Variants in TRAF7 observed in about 807,000 individuals in gnomAD.
The protein encoded by TRAF7 is TNF receptor associated factor 7.
A neutral mutation model predicts 89.3 loss-of-function variants in TRAF7; 45 were observed. That is an observed-to-expected ratio of 0.50 (90% CI 0.40 to 0.65). The LOEUF (loss-of-function observed/expected upper bound fraction) is 0.65, where lower values mean the gene tolerates loss of function less well. Among genes scored for constraint, TRAF7 ranks in the 30% least tolerant of loss-of-function variants. The pLI is 0.00. For synonymous variants in TRAF7, 406 were observed against 369.2 expected (o/e 1.10, Z -1.14); for missense variants, 677 against 918.1 (o/e 0.74, Z 3.39).
In TRAF7 at chr16:2,161,776, T is replaced by A. The variant is rs1003799391; in HGVS notation, c.-38-2107T>A. Reference sequence around the variant, plus strand: ...TGGGACATCCTCACCCCAAGCACAATGGCAAAAGGCAAGCCCTGGCCAGCT... The same window carrying A: ...TGGGACATCCTCACCCCAAGCACAAAGGCAAAAGGCAAGCCCTGGCCAGCT... On this transcript the variant is annotated intron_variant, in intron 1 of 20. Coordinates refer to ENST00000326181, the MANE Select transcript of TRAF7 (RefSeq NM_032271.3). The surrounding 1 kb of genome is among the most constrained non-coding windows in gnomAD (Gnocchi z 5.2). Among the ~76,000 whole-genome samples, 1 of 152,090 alleles carries A rather than the reference T, an allele frequency of 6.6e-6. No homozygotes were observed. The highest frequency in any genetic ancestry group is 1.5e-5 in the Non-Finnish European group (1 of 67,988).
rs547151725 is a variant in TRAF7 at position 2,159,829 on chromosome 16, G to C, written c.-39+3971G>C. The stretch of plus-strand genomic sequence containing the variant: ...TTGCTGGAGGAGCTGCTTTAAGGCC[G>C]GGCCTGGCCCGAGCAGGGAGCTGCA... On this transcript the variant is annotated intron_variant, in intron 1 of 20. Transcript: ENST00000326181. The surrounding 1 kb of genome is among the most constrained non-coding windows in gnomAD (Gnocchi z 6.5). Among the ~76,000 whole-genome samples, 1 of 152,240 alleles carries C rather than the reference G, an allele frequency of 6.6e-6. No individual in the cohort carries two copies. The highest frequency in any genetic ancestry group is 2.1e-4 in the South Asian group (1 of 4,838).
chr16:2,175,318 C>G lies in TRAF7; in HGVS notation c.1404C>G (p.Asn468Lys). 2 of 1,613,484 alleles carry G rather than the reference C, an allele frequency of 1.2e-6. No individual in the cohort carries two copies. Among genetic ancestry groups the G allele is most frequent in the Non-Finnish European group, 1.7e-6 (2 of 1,179,986 alleles). ...DCTIIVWDIQNLQKVNTIRAH... is the reference protein window; with the variant it reads ...DCTIIVWDIQKLQKVNTIRAH... ...CCAATCAGGTGTGGGACATCCAGAA[C>G]CTGCAGAAGGTGAACACCATCCGGG... The change falls in exon 16 of 21, where the codon AAC becomes AAG. Residue 468 changes from asparagine (N) to lysine (K), a missense_variant. This residue lies in a region of TRAF7 where 160 missense variants were observed against 263.7 expected (regional missense o/e 0.61). Coordinates refer to ENST00000326181, the MANE Select transcript of TRAF7 (RefSeq NM_032271.3).
rs537875769 is a variant in TRAF7, at chr16:2,158,771, G to T, written c.-39+2913G>T. Among the ~76,000 whole-genome samples the T allele has an allele frequency of 5.8e-4, 86 of 147,084 alleles. 1 individual carries two copies. Among genetic ancestry groups the T allele is most frequent in the African/African-American group, 1.5e-3 (59 of 38,458 alleles). ...GGACTGGGAAGCGTGGGCTCGGCGGGGGGGGGGGGGACACTGCCACCCTTG... is the reference window on the plus strand; with the variant it reads ...GGACTGGGAAGCGTGGGCTCGGCGGTGGGGGGGGGGACACTGCCACCCTTG... On this transcript the variant is annotated intron_variant, in intron 1 of 20. Coordinates refer to ENST00000326181, the MANE Select transcript of TRAF7 (RefSeq NM_032271.3). The surrounding 1 kb of genome is among the most constrained non-coding windows in gnomAD (Gnocchi z 4.7).
chr16:2,172,928 C>T (rs2093119410), intron 9 of TRAF7, among the ~76,000 whole-genome samples: 1 of 152,100 alleles, frequency 6.6e-6, no homozygotes, highest in African/African-American at 2.4e-5. Flanking sequence ...GGGAGGCTGC[C>T]AAGCAGCGTG....
intron 12 of TRAF7, 23 bp downstream of exon 12, chr16:2,173,859 T>TGGGCCGCCCCCCCCCCC: frequency 8.0e-7 from 1 of 1,246,244 alleles, no homozygotes; most frequent in Non-Finnish European, 1.1e-6. Flanking sequence ...CCGCCGTGGC[T>TGGGCCGCCCCCCCCCCC]CCCGCCCACC....
In TRAF7 at chr16:2,166,296, G is replaced by A. The variant is rs139174776; in HGVS notation, c.139+360G>A. ...AGTCTCAGGCTCCTGGCCAGCCTCC[G>A]AAAGGTCCCGTGTGCCCGGAGGTCT... On this transcript the variant is annotated intron_variant, in intron 3 of 20. Transcript: ENST00000326181. Among the ~76,000 whole-genome samples the A allele has an allele frequency of 9.7e-4, 148 of 152,266 alleles. 1 individual carries two copies. The highest frequency in any genetic ancestry group is 7.9e-3 in the South Asian group (38 of 4,822).
chr16:2,173,863 G>GCCCCCCCCCCC, intron 12 of TRAF7, 27 bp downstream of exon 12: 3 of 894,606 alleles, frequency 3.4e-6, no homozygotes, highest in Non-Finnish European at 4.6e-6. Context: ...CGTGGCTCCC[G>GCCCCCCCCCCC]CCCACCCTCC....
chr16:2,160,553 G>T (rs1266969405), intron 1 of TRAF7, among the ~76,000 whole-genome samples: 21 of 131,406 alleles, frequency 1.6e-4, no homozygotes, highest in Non-Finnish European at 3.0e-4. Context: ...GTGTGGATGG[G>T]CGGGCGGTGT....
chr16:2,163,040 T>G lies in TRAF7; in HGVS notation c.-38-843T>G, dbSNP rs2093063990. On this transcript the variant is annotated intron_variant, in intron 1 of 20. Transcript: ENST00000326181. This position sits in a 1 kb window ranked among gnomAD's most constrained non-coding sequence, Gnocchi z 4.3. The stretch of plus-strand genomic sequence containing the variant: ...GGGCTCTGTCCTGGGTGTGACCTGT[T>G]GGCTGGGTCTCTTTTTCTCTCTAAT... Among the ~76,000 whole-genome samples the G allele has an allele frequency of 6.6e-6, 1 of 151,150 alleles. No individual in the cohort carries two copies. Among genetic ancestry groups the G allele is most frequent in the Non-Finnish European group, 1.5e-5 (1 of 67,796 alleles).
intron 9 of TRAF7, 115 bp downstream of exon 9, chr16:2,172,714 G>C: frequency 2.3e-6 from 3 of 1,289,364 alleles, no homozygotes; most frequent in Middle Eastern, 5.5e-4. Flanking sequence ...GGGCCACACC[G>C]GGGTCTGTAA....
chr16:2,164,152 G>GTT, intron 2 of TRAF7, 151 bp downstream of exon 2: 1 of 580,146 alleles, frequency 1.7e-6, no homozygotes, highest in Non-Finnish European at 3.0e-6. Context: ...GTGTGTGTGT[G>GTT]TGTGTGTGCG....
In TRAF7 at chr16:2,158,149, G is replaced by A. The variant is rs868758097; in HGVS notation, c.-39+2291G>A. On this transcript the variant is annotated intron_variant, in intron 1 of 20. Transcript: ENST00000326181. The surrounding 1 kb of genome is among the most constrained non-coding windows in gnomAD (Gnocchi z 4.7). ...CCCTGCGGGGTCAGGGAGGGCATGT[G>A]GGGAGGGCCGAGAGCTGTTGGCTGC... 2.1e-4 allele frequency among the ~76,000 whole-genome samples: 32 copies of A among 152,310 alleles called. No individual in the cohort carries two copies. The highest frequency in any genetic ancestry group is 6.8e-3 in the Middle Eastern group (2 of 294).
chr16:2,176,962 G>A lies in TRAF7; in HGVS notation c.*388G>A, dbSNP rs1164350787. On this transcript the variant is annotated 3_prime_UTR_variant, in exon 21 of 21. Transcript: ENST00000326181. ...TGGCTGTGAGTGGGGACAGCTCCTCGGGACAAGGGGGCTGTGTGTGGCCTT... is the reference window on the plus strand; with the variant it reads ...TGGCTGTGAGTGGGGACAGCTCCTCAGGACAAGGGGGCTGTGTGTGGCCTT... 11 of 424,268 alleles carry A rather than the reference G, an allele frequency of 2.6e-5. No homozygotes were observed. Among genetic ancestry groups the A allele is most frequent in the Non-Finnish European group, 4.0e-5 (9 of 226,676 alleles). 26.3% of individuals were successfully genotyped at this position (424,268 alleles called of 1,614,324 possible).
At position 2,176,590 on chromosome 16, in the gene TRAF7, G is replaced by C. The variant is rs2093137900; in HGVS notation, c.*16G>C. 6.2e-7 allele frequency: 1 copy of C among 1,613,446 alleles called. No individual in the cohort carries two copies. Among genetic ancestry groups the C allele is most frequent in the Admixed American group, 1.7e-5 (1 of 60,026 alleles). Reference sequence around the variant, plus strand: ...GACTTGCTAACAGGATCCAGGCCAGGCTGTGGTTTCCCCTGAACCAGCCCT... The same window carrying C: ...GACTTGCTAACAGGATCCAGGCCAGCCTGTGGTTTCCCCTGAACCAGCCCT... On this transcript the variant is annotated 3_prime_UTR_variant, in exon 21 of 21. Coordinates refer to ENST00000326181, the MANE Select transcript of TRAF7 (RefSeq NM_032271.3).
In TRAF7 at chr16:2,164,019, T is replaced by A. The variant is rs1386554349; in HGVS notation, c.81+18T>A. On this transcript the variant is annotated intron_variant, in intron 2 of 20. Transcript: ENST00000326181. The stretch of plus-strand genomic sequence containing the variant: ...CCACAGGGGTAAGGGTGTGCCCCTC[T>A]GCAAGCCCAACATCCCCAGGACCCC... 1 of 1,599,436 alleles carries A rather than the reference T, an allele frequency of 6.3e-7. No homozygotes were observed. Among genetic ancestry groups the A allele is most frequent in the South Asian group, 1.1e-5 (1 of 89,568 alleles).
chr16:2,167,156 C>G (rs2093089881), intron 3 of TRAF7, among the ~76,000 whole-genome samples: 1 of 152,180 alleles, frequency 6.6e-6, no homozygotes, highest in Non-Finnish European at 1.5e-5. Flanking sequence ...AGCCCCATGG[C>G]CCCTGTCACA....
chr16:2,163,715 A>G lies in TRAF7; in HGVS notation c.-38-168A>G. The G allele has an allele frequency of 3.3e-6, 2 of 604,280 alleles. No homozygotes were observed. Among genetic ancestry groups the G allele is most frequent in the East Asian group, 5.7e-5 (2 of 35,368 alleles). The allele number at this position is 604,280 out of a possible 1,614,324, so 37.4% of individuals were successfully genotyped here. A position where few individuals can be genotyped will look rare whatever the true frequency, so the allele number is the denominator to read the frequency against. Reference sequence around the variant, plus strand: ...CCTCTGCATACCTGGGATCGGGGTGAAGGACCTTTGCCTCCTAGAGGCCTG... The same window carrying G: ...CCTCTGCATACCTGGGATCGGGGTGGAGGACCTTTGCCTCCTAGAGGCCTG... On this transcript the variant is annotated intron_variant, in intron 1 of 20. Transcript: ENST00000326181. This position sits in a 1 kb window ranked among gnomAD's most constrained non-coding sequence, Gnocchi z 4.3.
chr16:2,156,531 G>A (rs146308890), intron 1 of TRAF7, among the ~76,000 whole-genome samples: 2 of 152,116 alleles, frequency 1.3e-5, no homozygotes, highest in Non-Finnish European at 2.9e-5. Context: ...ACTGGCCGGG[G>A]GTAGGGGCGG....
At position 2,164,139 on chromosome 16, in the gene TRAF7, G is replaced by GGTGTGTGTGTGTGT. The variant is rs376580813; in HGVS notation, c.81+146_81+159dup. ...AGGGGAGCTCGGTGGGGGGGGGTGT[G>GGTGTGTGTGTGTGT]GTGTGTGTGTGTGTGTGTGTGCGCG... is the stretch of plus-strand genomic sequence containing the variant. On this transcript the variant is annotated intron_variant, in intron 2 of 20. Transcript: ENST00000326181. 5.2e-3 allele frequency: 2,835 copies of GGTGTGTGTGTGTGT among 542,890 alleles called. 7 individuals are homozygous for GGTGTGTGTGTGTGT. Among genetic ancestry groups the GGTGTGTGTGTGTGT allele is most frequent in the Non-Finnish European group, 6.3e-3 (1,993 of 317,166 alleles). The allele number at this position is 542,890 out of a possible 1,614,324, so 33.6% of individuals were successfully genotyped here.
Sources: allele counts gnomAD v4.1 joint callset (sites outside exome capture counted in the v4.1 genomes callset), GRCh38; gene constraint gnomAD v4.1.1; regional missense constraint gnomAD v4.1.1; non-coding constraint Gnocchi (gnomAD v3.1); transcripts MANE v1.5; gene names NCBI Gene and HGNC (gene_info 2026-07-23, HGNC 2026-07-21).